Variants in RMDN2 observed in about 807,000 individuals in gnomAD.
The protein encoded by RMDN2 is regulator of microtubule dynamics 2, also known as regulator of microtubule dynamics protein 2.
A neutral mutation model predicts 52.8 loss-of-function variants in RMDN2; 61 were observed. The observed-to-expected ratio is 1.16, with a 90% CI of 0.94 to 1.43. The LOEUF (loss-of-function observed/expected upper bound fraction) is 1.43. RMDN2 is among the 40% of genes most tolerant of loss of function. The probability of loss-of-function intolerance (pLI) is 0.00; values close to 1 mark genes in which losing one functional copy is unlikely to be tolerated. For missense variants in RMDN2, 592 were observed against 475.3 expected, an observed-to-expected ratio of 1.25 and a Z score of -2.28; for synonymous variants, 180 against 153.1, an observed-to-expected ratio of 1.18 and a Z score of -1.30.
rs546566031 is a variant in RMDN2 at position 38,003,673 on chromosome 2, TGAAAA to T, written c.1045-311_1045-307del. On this transcript the variant is annotated intron_variant, in intron 8 of 10. Coordinates refer to ENST00000354545, the MANE Select transcript of RMDN2 (RefSeq NM_001170791.3). ...GAATATCACCAGTTGTTTTTGTTCT[TGAAAA>T]GAAAAGGATAGAGAAAGAAGACTGA... Among the ~76,000 whole-genome samples the T allele has an allele frequency of 2.6e-3, 398 of 152,248 alleles. 2 individuals are homozygous for T. The highest frequency in any genetic ancestry group is 7.9e-3 in the African/African-American group (328 of 41,542).
intron 2 of RMDN2, chr2:37,951,202 T>C (rs758113645): frequency 2.6e-6 from 4 of 1,518,902 alleles, no homozygotes; most frequent in Admixed American, 4.5e-5. Context: ...CCCTATTTTT[T>C]TTCCTCATTT....
chr2:37,998,280 A>C (rs1319984860), intron 8 of RMDN2: 1 of 152,232 alleles, frequency 6.6e-6, no homozygotes, highest in East Asian at 1.9e-4. Flanking sequence ...TAATCCCAAC[A>C]CTTTGGAAGG....
At chr2:38,042,638 T>G (rs1681039667) in intron 10 of RMDN2, among the ~76,000 whole-genome samples, 1 of 152,174 alleles carries the variant, frequency 6.6e-6, no homozygotes, top group Non-Finnish European at 1.5e-5. Flanking sequence ...ATGCATTCAG[T>G]GCTATAAATT....
At chr2:37,993,902 C>T (rs1315557694) in intron 7 of RMDN2, among the ~76,000 whole-genome samples, 1 of 152,180 alleles carries the variant, frequency 6.6e-6, no homozygotes, top group African/African-American at 2.4e-5. Flanking sequence ...GCCGTTTACC[C>T]AACCTCACAA....
intron 10 of RMDN2, among the ~76,000 whole-genome samples, chr2:38,012,193 C>T (rs968327716): frequency 6.6e-6 from 1 of 152,208 alleles, no homozygotes; most frequent in African/African-American, 2.4e-5. Flanking sequence ...CTGCTCCTTC[C>T]ACTAGCTTTA....
At chr2:38,045,056 T>C (rs901013372) in intron 10 of RMDN2, among the ~76,000 whole-genome samples, 2 of 152,164 alleles carry the variant, frequency 1.3e-5, no homozygotes, top group Non-Finnish European at 2.9e-5. Context: ...ATTATTTTTG[T>C]CCTTTTTGTC....
rs1169549653 is a variant in RMDN2 at position 37,925,399 on chromosome 2, G to C, written c.-43G>C. The C allele has an allele frequency of 2.0e-5, 3 of 152,408 alleles. No individual in the cohort carries two copies. Among genetic ancestry groups the C allele is most frequent in the Non-Finnish European group, 4.4e-5 (3 of 68,176 alleles). 9.4% of individuals were successfully genotyped at this position (152,408 alleles called of 1,614,324 possible). A position where few individuals can be genotyped will look rare whatever the true frequency, so the allele number is the denominator to read the frequency against. ...AGGTCCTGGTCTCCGCTCTCCAACA[G>C]CTGAAAGGCCGGCGCAGTGAACACA... On this transcript the variant is annotated 5_prime_UTR_variant, in exon 1 of 11. Transcript: ENST00000354545.
At chr2:37,961,150 CTGATGATTA>C (rs1670176336) in intron 2 of RMDN2, among the ~76,000 whole-genome samples, 1 of 152,050 alleles carries the variant, frequency 6.6e-6, no homozygotes, top group South Asian at 2.1e-4. Context: ...CTTGGTGAAT[CTGATGATTA>C]TGTGTCTTGG....
intron 4 of RMDN2, among the ~76,000 whole-genome samples, chr2:37,979,155 C>G (rs947547283): frequency 1.1e-4 from 16 of 152,020 alleles, no homozygotes; most frequent in African/African-American, 3.6e-4. Context: ...AAAAGAATTC[C>G]TTTAATTTAT....
chr2:38,017,095 T>A (rs1678905513), intron 10 of RMDN2, 91 bp from the exon 11 acceptor site: 2 of 637,546 alleles, frequency 3.1e-6, no homozygotes, highest in Non-Finnish European at 4.8e-6. Context: ...TGTTGGGGAA[T>A]CTCCTCAAGT....
chr2:38,039,342 G>A (rs892690484), intron 10 of RMDN2: 3 of 152,104 alleles, frequency 2.0e-5, no homozygotes, highest in Admixed American at 6.5e-5. Context: ...CCATAGATCA[G>A]CCTCGGATGG....
At chr2:37,957,141 G>C (rs1375018099) in intron 2 of RMDN2, among the ~76,000 whole-genome samples, 1 of 152,142 alleles carries the variant, frequency 6.6e-6, no homozygotes, top group Non-Finnish European at 1.5e-5. Context: ...TTTTATAGTA[G>C]AATGATTTAT....
At position 37,975,296 on chromosome 2, in the gene RMDN2, A is replaced by G. The variant is rs1672323335; in HGVS notation, c.712A>G (p.Lys238Glu). 1 of 1,591,444 alleles carries G rather than the reference A, an allele frequency of 6.3e-7. No homozygotes were observed. Residue 238 changes from lysine to glutamate, a missense_variant, in exon 4 of 11, where the codon AAA (lysine) becomes GAA (glutamate). Lys to Glu is a moderately conservative substitution (Grantham distance 56, BLOSUM62 1). Coordinates refer to ENST00000354545, the MANE Select transcript of RMDN2 (RefSeq NM_001170791.3). ...ACTATCTACAAACACACAAGAAAAG[A>G]AACATTATGCTAATATTGGTAAGCA... ...YELSTNTQEK[K>E]HYANIGKTLS... is the part of the protein sequence containing the mutation.
intron 10 of RMDN2, among the ~76,000 whole-genome samples, chr2:38,053,940 A>T (rs573465196): frequency 1.1e-4 from 16 of 152,324 alleles, no homozygotes; most frequent in South Asian, 4.1e-4. Context: ...ACAGAGAGTT[A>T]GAGGAAGTAA....
chr2:38,028,264 A>G (rs892300310), intron 10 of RMDN2: 1 of 152,252 alleles, frequency 6.6e-6, no homozygotes, highest in African/African-American at 2.4e-5. Context: ...AAAAGACAGC[A>G]TGACAAATTA....
intron 10 of RMDN2, chr2:38,030,675 C>A (rs115433951): frequency 3.3e-5 from 5 of 152,030 alleles, no homozygotes; most frequent in African/African-American, 9.7e-5. Context: ...TCAGTGAAAC[C>A]TTTTTACTCA....
chr2:38,033,238 A>G (rs1373758093), intron 10 of RMDN2: 2 of 152,194 alleles, frequency 1.3e-5, no homozygotes, highest in Non-Finnish European at 2.9e-5. Context: ...TTTGTTAGTT[A>G]CTAGTAGATT....
intron 10 of RMDN2, among the ~76,000 whole-genome samples, chr2:38,011,503 T>C (rs1375142161): frequency 6.6e-6 from 1 of 152,204 alleles, no homozygotes; most frequent in Non-Finnish European, 1.5e-5. Flanking sequence ...CCTCTTTTTC[T>C]GTGTTGGAGC....
intron 2 of RMDN2, among the ~76,000 whole-genome samples, chr2:37,935,723 A>T (rs187148585): frequency 1.3e-5 from 2 of 152,318 alleles, no homozygotes; most frequent in Admixed American, 1.3e-4. Flanking sequence ...ATATCATTAT[A>T]TGGCACACAC....
Sources: gnomAD v4.1 joint callset for allele counts (sites outside exome capture counted in the v4.1 genomes callset) on GRCh38, gnomAD v4.1.1 for gene constraint, MANE v1.5 for transcripts, NCBI Gene and HGNC (gene_info 2026-07-23, HGNC 2026-07-21) for gene names.